YWHAQ: variants seen among roughly 807,000 people sequenced by gnomAD.
The protein encoded by YWHAQ is tyrosine 3-monooxygenase/tryptophan 5-monooxygenase activation protein theta, also known as 14-3-3 protein theta.
Under a neutral mutation model 28.3 loss-of-function variants are expected in YWHAQ, and 6 were observed. That is an observed-to-expected ratio of 0.21 (90% CI 0.12 to 0.42). The LOEUF (loss-of-function observed/expected upper bound fraction) is 0.42, where lower values mean the gene tolerates loss of function less well. Ranked by LOEUF, YWHAQ falls within the 10% of genes least tolerant of loss-of-function variation. YWHAQ has a pLI of 1.00. For synonymous variants in YWHAQ, 143 were observed against 119.1 expected, an observed-to-expected ratio of 1.20 and a Z score of -1.31; for missense variants, 201 against 305.6, an observed-to-expected ratio of 0.66 and a Z score of 2.55.
intron 2 of YWHAQ, among the ~76,000 whole-genome samples, chr2:9,617,224 A>G: frequency 6.6e-6 from 1 of 151,844 alleles, no homozygotes; most frequent in Non-Finnish European, 1.5e-5. Flanking sequence ...GGCCTCCCAA[A>G]GTGCTGTGAT....
Position 9,630,007 on chromosome 2 carries a change from G to A in YWHAQ, c.294+152C>T, listed in dbSNP as rs1055714443. Reference sequence around the variant, plus strand: ...CTTCTTGAGTCTCAACAACCGGAGGGACACAGTAGGGAAGTCAGGGCTCAC... The same window carrying A: ...CTTCTTGAGTCTCAACAACCGGAGGAACACAGTAGGGAAGTCAGGGCTCAC... On this transcript the variant is annotated intron_variant, in intron 2 of 5. Coordinates refer to ENST00000238081, the MANE Select transcript of YWHAQ (RefSeq NM_006826.4). This position sits in a 1 kb window ranked among gnomAD's most constrained non-coding sequence, Gnocchi z 5.6. 2.7e-5 allele frequency: 26 copies of A among 977,532 alleles called. No homozygotes were observed. The highest frequency in any genetic ancestry group is 3.5e-5 in the Non-Finnish European group (24 of 678,166). The allele number at this position is 977,532 out of a possible 1,614,324, so 60.6% of individuals were successfully genotyped here.
intron 2 of YWHAQ, 139 bp from the exon 3 acceptor site, chr2:9,591,654 A>T (rs1248601702): frequency 8.8e-7 from 1 of 1,130,396 alleles, no homozygotes; most frequent in Non-Finnish European, 1.2e-6. Context: ...CCTGGACTTG[A>T]AGCATGTTCT....
intron 2 of YWHAQ, chr2:9,628,946 G>GT (rs1667298893): frequency 6.7e-6 from 1 of 148,974 alleles, no homozygotes; most frequent in African/African-American, 2.5e-5. Context: ...GCCTGTCATC[G>GT]TATTAGAAAA....
chr2:9,609,425 A>C (rs561099056), intron 2 of YWHAQ, among the ~76,000 whole-genome samples: 1 of 152,352 alleles, frequency 6.6e-6, no homozygotes, highest in African/African-American at 2.4e-5. Context: ...AAATTATAAG[A>C]TGCGAATAGA....
At chr2:9,619,700 G>C (rs979092061) in intron 2 of YWHAQ, among the ~76,000 whole-genome samples, 1 of 152,146 alleles carries the variant, frequency 6.6e-6, no homozygotes, top group Non-Finnish European at 1.5e-5. Flanking sequence ...TCTGCAATCA[G>C]GCACCAAATA....
chr2:9,602,902 T>G (rs1393358775), intron 2 of YWHAQ, among the ~76,000 whole-genome samples: 18 of 108,300 alleles, frequency 1.7e-4, no homozygotes, highest in Non-Finnish European at 2.7e-4. Context: ...TATATATATA[T>G]AGTAGGGACA....
rs144863616 is a variant in YWHAQ at position 9,588,273 on chromosome 2, T to C, written c.474A>G (p.Lys158=). Residue 158 remains lysine, a synonymous_variant, in exon 4 of 6, where the codon AAA becomes AAG. Coordinates refer to ENST00000238081, the MANE Select transcript of YWHAQ (RefSeq NM_006826.4). Reference sequence around the variant, plus strand: ...GGATTGGGTGTGTGGGTTGCATCTCTTTCTTGCTTATATCAAATGCCTCTT... The same window carrying C: ...GGATTGGGTGTGTGGGTTGCATCTCCTTCTTGCTTATATCAAATGCCTCTT... The part of the protein sequence containing the change: ...AYQEAFDISK[K]EMQPTHPIRL... 3 of 1,609,994 alleles carry C rather than the reference T, an allele frequency of 1.9e-6. No homozygotes were observed. Among genetic ancestry groups the C allele is most frequent in the Non-Finnish European group, 2.5e-6 (3 of 1,179,108 alleles).
rs1478507878 is a variant in YWHAQ at position 9,584,017 on chromosome 2, C to T, written c.*1269G>A. The T allele has an allele frequency of 2.6e-5, 4 of 152,122 alleles. No homozygotes were observed. The highest frequency in any genetic ancestry group is 6.5e-5 in the Admixed American group (1 of 15,268). The allele number at this position is 152,122 out of a possible 1,614,324, so 9.4% of individuals were successfully genotyped here. A position where few individuals can be genotyped will look rare whatever the true frequency, so the allele number is the denominator to read the frequency against. On this transcript the variant is annotated 3_prime_UTR_variant, in exon 6 of 6. Coordinates refer to ENST00000238081, the MANE Select transcript of YWHAQ (RefSeq NM_006826.4). ...CACTTTATTCCATATAACACTTAAC[C>T]AGATATCATTTACATCTGAGGAAGA...
chr2:9,609,153 T>C (rs1046880548), intron 2 of YWHAQ, among the ~76,000 whole-genome samples: 5 of 152,190 alleles, frequency 3.3e-5, no homozygotes, highest in African/African-American at 1.2e-4. Context: ...TTTCTTCACC[T>C]CTACCTAAGT....
At chr2:9,598,333 G>A (rs1666620768) in intron 2 of YWHAQ, among the ~76,000 whole-genome samples, 1 of 152,144 alleles carries the variant, frequency 6.6e-6, no homozygotes, top group Non-Finnish European at 1.5e-5. Context: ...GAGGTATACT[G>A]GAGTAGTAAA....
chr2:9,585,232 G>A lies in YWHAQ; in HGVS notation c.*54C>T, dbSNP rs1666318716. On this transcript the variant is annotated 3_prime_UTR_variant, in exon 6 of 6. Transcript: ENST00000238081. ...AGGAAATCCAAGTGGAATAAGGAAT[G>A]GAGATGTGTAAAAAGGTTTCTTGAA... The A allele has an allele frequency of 2.5e-6, 4 of 1,584,918 alleles. No homozygotes were observed. Among genetic ancestry groups the A allele is most frequent in the Non-Finnish European group, 2.6e-6 (3 of 1,154,438 alleles).
chr2:9,614,893 T>C (rs1279481019), intron 2 of YWHAQ, among the ~76,000 whole-genome samples: 1 of 152,166 alleles, frequency 6.6e-6, no homozygotes, highest in Non-Finnish European at 1.5e-5. Flanking sequence ...AAGGGAAGAA[T>C]AGAGTCAACA....
Position 9,591,412 on chromosome 2 carries a change from G to A in YWHAQ, c.398C>T (p.Ala133Val), listed in dbSNP as rs1306741559. The part of the protein sequence containing the change: ...GDYFRYLAEV[A>V]CGDDRKQTID... Reference sequence around the variant, plus strand: ...CTTACGTTTTCGATCATCACCACACGCAACTTCAGCAAGGTACCGGAAGTA... The same window carrying A: ...CTTACGTTTTCGATCATCACCACACACAACTTCAGCAAGGTACCGGAAGTA... The change falls in exon 3 of 6, where the codon GCG becomes GTG. Residue 133 changes from alanine (A) to valine (V), a missense_variant. Physicochemically the swap from Ala to Val is moderately conservative, Grantham distance 64. Transcript: ENST00000238081. 7.4e-6 allele frequency: 12 copies of A among 1,610,812 alleles called. No homozygotes were observed. Among genetic ancestry groups the A allele is most frequent in the Admixed American group, 3.3e-5 (2 of 59,934 alleles).
chr2:9,584,307 T>C lies in YWHAQ; in HGVS notation c.*979A>G, dbSNP rs1666303486. The C allele has an allele frequency of 6.6e-6, 1 of 152,642 alleles. No individual in the cohort carries two copies. Among genetic ancestry groups the C allele is most frequent in the Non-Finnish European group, 1.5e-5 (1 of 68,038 alleles). The allele number at this position is 152,642 out of a possible 1,614,324, so 9.5% of individuals were successfully genotyped here. ...ACTTTTATTTTATGTTACTCTGCTG[T>C]TACATAGGGCATAACATTTTCACAA... is the stretch of plus-strand genomic sequence containing the variant. On this transcript the variant is annotated 3_prime_UTR_variant, in exon 6 of 6. Coordinates refer to ENST00000238081, the MANE Select transcript of YWHAQ (RefSeq NM_006826.4).
chr2:9,600,007 A>T (rs1010517677), intron 2 of YWHAQ, among the ~76,000 whole-genome samples: 2 of 152,230 alleles, frequency 1.3e-5, no homozygotes, highest in Non-Finnish European at 2.9e-5. Context: ...AAATATTAAC[A>T]TTAACAACAG....
intron 2 of YWHAQ, among the ~76,000 whole-genome samples, chr2:9,623,961 A>C (rs1667196629): frequency 6.6e-6 from 1 of 152,130 alleles, no homozygotes; most frequent in Non-Finnish European, 1.5e-5. Context: ...ACTATGAAGA[A>C]GTGGCACTTT....
rs1017922046 is a variant in YWHAQ, at chr2:9,630,093, C to T, written c.294+66G>A. The T allele has an allele frequency of 6.4e-7, 1 of 1,554,224 alleles. No individual in the cohort carries two copies. On this transcript the variant is annotated intron_variant, in intron 2 of 5. Transcript: ENST00000238081. This position sits in a 1 kb window ranked among gnomAD's most constrained non-coding sequence, Gnocchi z 5.6. Reference sequence around the variant, plus strand: ...CCCCGGCTCACGTTTGTTTCCGTGCCCGCGAAACTCTCAATGAAAAGCATC... The same window carrying T: ...CCCCGGCTCACGTTTGTTTCCGTGCTCGCGAAACTCTCAATGAAAAGCATC...
intron 2 of YWHAQ, among the ~76,000 whole-genome samples, chr2:9,609,555 T>C (rs1376736598): frequency 6.6e-6 from 1 of 151,492 alleles, no homozygotes; most frequent in African/African-American, 2.4e-5. Flanking sequence ...TACCTTGAGA[T>C]AGGAAAAGCA....
chr2:9,630,612 CTT>C lies in YWHAQ; in HGVS notation c.-82-80_-82-79del, dbSNP rs1667353111. On this transcript the variant is annotated intron_variant, in intron 1 of 5. Transcript: ENST00000238081. This position sits in a 1 kb window ranked among gnomAD's most constrained non-coding sequence, Gnocchi z 5.6. The stretch of plus-strand genomic sequence containing the variant: ...GTCAGACAATGCGGCCCGCCGCCCG[CTT>C]TTGTCTCCCGCACACGCGGCCGCTT... The C allele has an allele frequency of 7.6e-6, 5 of 656,532 alleles. No individual in the cohort carries two copies. The highest frequency in any genetic ancestry group is 9.7e-6 in the Non-Finnish European group (4 of 412,914). The allele number at this position is 656,532 out of a possible 1,614,324, so 40.7% of individuals were successfully genotyped here. A position where few individuals can be genotyped will look rare whatever the true frequency, so the allele number is the denominator to read the frequency against.
Sources: gnomAD v4.1 joint callset for allele counts (sites outside exome capture counted in the v4.1 genomes callset) on GRCh38, gnomAD v4.1.1 for gene constraint, Gnocchi (gnomAD v3.1) non-coding constraint, MANE v1.5 for transcripts, NCBI Gene and HGNC (gene_info 2026-07-23, HGNC 2026-07-21) for gene names.